Variants in RAD21L1 observed in about 807,000 individuals in gnomAD.
The protein encoded by RAD21L1 is RAD21 cohesin complex component like 1.
RAD21L1 carries 47 observed loss-of-function variants against 69.0 expected under a neutral mutation model. The ratio of observed to expected loss-of-function variants is 0.68; its 90% CI spans 0.54 to 0.87. RAD21L1 has a LOEUF of 0.87. Among genes scored for constraint, RAD21L1 ranks in the 40% least tolerant of loss-of-function variants. The probability of loss-of-function intolerance (pLI) is 0.00; values close to 1 mark genes in which losing one functional copy is unlikely to be tolerated. For synonymous variants in RAD21L1, 177 were observed against 205.8 expected (o/e 0.86, Z 1.20); for missense variants, 583 against 647.6 (o/e 0.90, Z 1.08).
intron 8 of RAD21L1, among the ~76,000 whole-genome samples, 179 bp from the exon 9 acceptor site, chr20:1,242,440 C>T (rs1285097758): frequency 6.6e-6 from 1 of 152,016 alleles, no homozygotes; most frequent in Non-Finnish European, 1.5e-5. Flanking sequence ...GCCATGTTGC[C>T]CAGGCTGGTC....
At chr20:1,226,912 T>A (rs1474208115) in intron 1 of RAD21L1, among the ~76,000 whole-genome samples, 2 of 152,226 alleles carry the variant, frequency 1.3e-5, no homozygotes, top group African/African-American at 4.8e-5. Flanking sequence ...ACTTAAAAAG[T>A]ACATTTGATT....
At chr20:1,251,524 C>G (rs2087833190) in intron 13 of RAD21L1, among the ~76,000 whole-genome samples, 1 of 151,966 alleles carries the variant, frequency 6.6e-6, no homozygotes, top group Non-Finnish European at 1.5e-5. Flanking sequence ...CAAGGTCCCA[C>G]TGTGTTGCTC....
chr20:1,248,014 G>T (rs1233619743), intron 12 of RAD21L1, among the ~76,000 whole-genome samples: 2 of 125,210 alleles, frequency 1.6e-5, no homozygotes, highest in Non-Finnish European at 3.2e-5. Context: ...AAATATTGAG[G>T]TATTTCTGAA....
At chr20:1,226,580 C>A (rs1364173746) in intron 1 of RAD21L1, among the ~76,000 whole-genome samples, 3 of 152,138 alleles carry the variant, frequency 2.0e-5, no homozygotes, top group Non-Finnish European at 4.4e-5. Flanking sequence ...CTCCCAGGGT[C>A]CCCGCCCGGT....
chr20:1,254,500 T>C lies in RAD21L1; in HGVS notation c.*43T>C. The C allele has an allele frequency of 7.3e-7, 1 of 1,367,424 alleles. No individual in the cohort carries two copies. The highest frequency in any genetic ancestry group is 1.5e-5 in the African/African-American group (1 of 68,308). The allele number at this position is 1,367,424 out of a possible 1,614,324, so 84.7% of individuals were successfully genotyped here. A position where few individuals can be genotyped will look rare whatever the true frequency, so the allele number is the denominator to read the frequency against. On this transcript the variant is annotated 3_prime_UTR_variant, in exon 14 of 14. Coordinates refer to ENST00000683101, the MANE Select transcript of RAD21L1 (RefSeq NM_001384355.1). The stretch of plus-strand genomic sequence containing the variant: ...AGATTTATGGCATCACTGGAATTTC[T>C]GTGTAGATTGTTCAATTTAATGCAG...
At chr20:1,252,703 C>T (rs993633581) in intron 13 of RAD21L1, among the ~76,000 whole-genome samples, 3 of 152,160 alleles carry the variant, frequency 2.0e-5, no homozygotes, top group Non-Finnish European at 4.4e-5. Flanking sequence ...CTCCTGTTTT[C>T]AGCTTCATCC....
At position 1,242,822 on chromosome 20, in the gene RAD21L1, T is replaced by A; in HGVS notation, c.1060T>A (p.Leu354Met). The change falls in exon 9 of 14, where the codon TTG becomes ATG. Residue 354 changes from leucine to methionine, a missense_variant. Transcript: ENST00000683101. ...ACTTCTGTCAACTGCTGCCCAGGAT[T>A]TGATTCATGCTGAACTGAAAATGGT... ...HTLLSTAAQDLIHAELKMLFT... is the reference protein window; with the variant it reads ...HTLLSTAAQDMIHAELKMLFT... The A allele has an allele frequency of 2.6e-6, 4 of 1,551,302 alleles. No homozygotes were observed. Among genetic ancestry groups the A allele is most frequent in the Non-Finnish European group, 3.5e-6 (4 of 1,146,672 alleles).
intron 13 of RAD21L1, among the ~76,000 whole-genome samples, chr20:1,249,787 T>C (rs1465887151): frequency 6.6e-6 from 1 of 152,224 alleles, no homozygotes; most frequent in Non-Finnish European, 1.5e-5. Context: ...ATTAGTTACA[T>C]TGAAGCTTCA....
Position 1,228,453 on chromosome 20 carries a change from C to T in RAD21L1, c.-1C>T, listed in dbSNP as rs985322592. Reference sequence around the variant, plus strand: ...AAATACAAGTAAGGAACACAGGCAACATGTTCTACACACATGTGCTTATGA... The same window carrying T: ...AAATACAAGTAAGGAACACAGGCAATATGTTCTACACACATGTGCTTATGA... On this transcript the variant is annotated 5_prime_UTR_variant, in exon 2 of 14. Transcript: ENST00000683101. 3.3e-6 allele frequency: 5 copies of T among 1,499,926 alleles called. No homozygotes were observed. Among genetic ancestry groups the T allele is most frequent in the African/African-American group, 1.4e-5 (1 of 70,142 alleles). The allele number at this position is 1,499,926 out of a possible 1,614,324, so 92.9% of individuals were successfully genotyped here. A position where few individuals can be genotyped will look rare whatever the true frequency, so the allele number is the denominator to read the frequency against.
chr20:1,248,447 G>A (rs1043187772), intron 12 of RAD21L1, among the ~76,000 whole-genome samples, 179 bp from the exon 13 acceptor site: 3 of 152,010 alleles, frequency 2.0e-5, no homozygotes, highest in African/African-American at 4.8e-5. Flanking sequence ...GTGCAAAGGT[G>A]GTTTATATTT....
At chr20:1,251,773 T>C (rs1465299697) in intron 13 of RAD21L1, among the ~76,000 whole-genome samples, 2 of 152,126 alleles carry the variant, frequency 1.3e-5, no homozygotes, top group Non-Finnish European at 2.9e-5. Context: ...TTCCAGGAGT[T>C]TTTTTTCTTG....
At chr20:1,243,826 T>C (rs1053478477) in intron 10 of RAD21L1, among the ~76,000 whole-genome samples, 9 of 151,526 alleles carry the variant, frequency 5.9e-5, no homozygotes, top group African/African-American at 1.2e-4. Flanking sequence ...GTAGAGGAGA[T>C]GGTTGGCAGA....
chr20:1,239,338 A>T lies in RAD21L1; in HGVS notation c.673A>T (p.Ile225Phe). 1 of 1,547,322 alleles carries T rather than the reference A, an allele frequency of 6.5e-7. No individual in the cohort carries two copies. Among genetic ancestry groups the T allele is most frequent in the Non-Finnish European group, 8.7e-7 (1 of 1,143,230 alleles). ...IDNLLQDDQN[I>F]LLEDMHLNRE... Reference sequence around the variant, plus strand: ...CAATCTATTGCAAGATGATCAGAATATCCTGTTAGAAGACATGCATTTGAA... The same window carrying T: ...CAATCTATTGCAAGATGATCAGAATTTCCTGTTAGAAGACATGCATTTGAA... The change falls in exon 7 of 14, where the codon ATC becomes TTC. Residue 225 changes from isoleucine (I) to phenylalanine (F), a missense_variant. Transcript: ENST00000683101.
chr20:1,237,148 C>T (rs75170738), intron 5 of RAD21L1, among the ~76,000 whole-genome samples: 7,722 of 152,258 alleles, frequency 0.051, 246 homozygotes, highest in South Asian at 0.095. Context: ...TACTGTCTAA[C>T]ACTAACATGG....
At chr20:1,253,741 CAT>C (rs2087881221) in intron 13 of RAD21L1, among the ~76,000 whole-genome samples, 1 of 152,196 alleles carries the variant, frequency 6.6e-6, no homozygotes, top group South Asian at 2.1e-4. Context: ...ACACAGATGT[CAT>C]GTGGTGAATC....
At chr20:1,228,653 G>T in intron 2 of RAD21L1, 56 bp downstream of exon 2, 1 of 1,246,300 alleles carries the variant, frequency 8.0e-7, no homozygotes, top group South Asian at 1.6e-5. Context: ...GAGGAGGAAA[G>T]ACATTAAGAT....
At chr20:1,242,493 G>C in intron 8 of RAD21L1, 126 bp from the exon 9 acceptor site, 1 of 719,558 alleles carries the variant, frequency 1.4e-6, no homozygotes, top group South Asian at 1.7e-5. Context: ...TCAGCCTCTT[G>C]AAGTGCTAGG....
chr20:1,243,453 T>C (rs1385391906), intron 10 of RAD21L1, among the ~76,000 whole-genome samples: 1 of 152,198 alleles, frequency 6.6e-6, no homozygotes, highest in Non-Finnish European at 1.5e-5. Flanking sequence ...ATTATCACTC[T>C]TTCTACCTCC....
In RAD21L1 at chr20:1,253,589, G is replaced by A. The variant is rs559109567; in HGVS notation, c.1480-680G>A. 1.3e-3 allele frequency among the ~76,000 whole-genome samples: 200 copies of A among 152,222 alleles called. 1 individual carries two copies. Among genetic ancestry groups the A allele is most frequent in the Non-Finnish European group, 2.2e-3 (151 of 68,014 alleles). On this transcript the variant is annotated intron_variant, in intron 13 of 13. Transcript: ENST00000683101. The stretch of plus-strand genomic sequence containing the variant: ...TGGGATTACAGGCGTGAGCCACCAC[G>A]CCTGGCCGCACTGCAGTATTTCTAA...
Sources: gnomAD v4.1 joint callset for allele counts (sites outside exome capture counted in the v4.1 genomes callset) on GRCh38, gnomAD v4.1.1 for gene constraint, MANE v1.5 for transcripts, NCBI Gene and HGNC (gene_info 2026-07-23, HGNC 2026-07-21) for gene names.